Variants in UBE3D observed in about 807,000 individuals in gnomAD.
The protein encoded by UBE3D is ubiquitin protein ligase E3D.
Under a neutral mutation model 49.6 loss-of-function variants are expected in UBE3D, and 48 were observed. That is an observed-to-expected ratio of 0.97 (90% CI 0.77 to 1.23). The LOEUF (loss-of-function observed/expected upper bound fraction) is 1.23, where lower values mean the gene tolerates loss of function less well. Among genes scored for constraint, UBE3D ranks in the 50% most tolerant of loss-of-function variants. The pLI is 0.00. For synonymous variants in UBE3D, 189 were observed against 174.2 expected (o/e 1.08, Z -0.67); for missense variants, 452 against 468.4 (o/e 0.96, Z 0.32).
At chr6:83,002,807 C>T (rs1779725715) in intron 8 of UBE3D, among the ~76,000 whole-genome samples, 1 of 152,240 alleles carries the variant, frequency 6.6e-6, no homozygotes, top group East Asian at 1.9e-4. Flanking sequence ...CCTCACCAAA[C>T]ATCAGACCTG....
At chr6:83,026,447 A>G (rs1364241780) in intron 5 of UBE3D, among the ~76,000 whole-genome samples, 1 of 152,146 alleles carries the variant, frequency 6.6e-6, no homozygotes, top group Non-Finnish European at 1.5e-5. Flanking sequence ...CTCTTAAAAA[A>G]TAAAATAAAA....
At chr6:82,958,792 T>G (rs1452029013) in intron 8 of UBE3D, among the ~76,000 whole-genome samples, 1 of 152,100 alleles carries the variant, frequency 6.6e-6, no homozygotes, top group African/African-American at 2.4e-5. Flanking sequence ...GTCTACAAAT[T>G]TTATTAGTTT....
At chr6:82,982,980 A>G (rs1235708785) in intron 8 of UBE3D, among the ~76,000 whole-genome samples, 1 of 151,802 alleles carries the variant, frequency 6.6e-6, no homozygotes, top group Non-Finnish European at 1.5e-5. Flanking sequence ...GTACTGACCA[A>G]TGAAATTTCT....
chr6:83,021,315 C>T (rs1207026425), intron 7 of UBE3D, among the ~76,000 whole-genome samples: 2 of 152,012 alleles, frequency 1.3e-5, no homozygotes, highest in African/African-American at 4.8e-5. Flanking sequence ...GTGGAGTAGG[C>T]CTGGAGTCTC....
intron 4 of UBE3D, among the ~76,000 whole-genome samples, chr6:83,042,509 C>G (rs772007569): frequency 5.9e-5 from 9 of 152,118 alleles, no homozygotes; most frequent in Non-Finnish European, 1.3e-4. Context: ...CTTCACCTAT[C>G]CTTCAAGGAA....
intron 4 of UBE3D, among the ~76,000 whole-genome samples, chr6:83,039,116 T>C (rs916514445): frequency 1.2e-4 from 18 of 152,246 alleles, no homozygotes; most frequent in South Asian, 4.1e-4. Flanking sequence ...TTAAAATAGC[T>C]AGCATTTGCC....
intron 1 of UBE3D, among the ~76,000 whole-genome samples, chr6:83,060,902 A>G (rs1784130156): frequency 6.6e-6 from 1 of 152,236 alleles, no homozygotes. Flanking sequence ...CCTTACTGAC[A>G]CACAAATGAA....
chr6:82,937,986 TGC>T (rs931237504), intron 9 of UBE3D, among the ~76,000 whole-genome samples: 57 of 149,774 alleles, frequency 3.8e-4, no homozygotes, highest in African/African-American at 1.3e-3. Context: ...CACGGGCGTG[TGC>T]GCGCGCACAC....
chr6:82,996,399 A>C (rs1224232178), intron 8 of UBE3D, among the ~76,000 whole-genome samples: 1 of 152,186 alleles, frequency 6.6e-6, no homozygotes, highest in Non-Finnish European at 1.5e-5. Context: ...AAATAAATAT[A>C]CATGAGTCCT....
chr6:83,065,565 A>G, intron 1 of UBE3D, 77 bp downstream of exon 1: 1 of 1,382,184 alleles, frequency 7.2e-7, no homozygotes, highest in South Asian at 1.2e-5. Context: ...CCTCGTACAG[A>G]GAGAGACTCA....
intron 4 of UBE3D, among the ~76,000 whole-genome samples, chr6:83,041,113 C>T (rs1432012312): frequency 1.3e-5 from 2 of 152,082 alleles, no homozygotes; most frequent in African/African-American, 4.8e-5. Flanking sequence ...AAACTAAGGG[C>T]TTTATTAAAA....
At chr6:82,935,209 T>A (rs1182683789) in intron 9 of UBE3D, among the ~76,000 whole-genome samples, 1 of 151,076 alleles carries the variant, frequency 6.6e-6, no homozygotes, top group Non-Finnish European at 1.5e-5. Context: ...GCTCATCACA[T>A]GGAGAAAGCA....
At chr6:83,065,580 C>T in intron 1 of UBE3D, 62 bp downstream of exon 1, 19 of 1,514,892 alleles carry the variant, frequency 1.3e-5, no homozygotes, top group Non-Finnish European at 1.5e-5. Context: ...GACTCACCAG[C>T]CCCCGACCCC....
rs7757253 is a variant in UBE3D at position 82,988,987 on chromosome 6, C to A, written c.1010+29986G>T. 8.4e-3 allele frequency among the ~76,000 whole-genome samples: 1,282 copies of A among 152,126 alleles called. 14 individuals carry two copies. The highest frequency in any genetic ancestry group is 0.029 in the African/African-American group (1,197 of 41,500). On this transcript the variant is annotated intron_variant, in intron 8 of 9. Transcript: ENST00000369747. ...TGACAAGTGAGTTCACAACACTACA[C>A]AAAAATAGAATTAGAAAGGAAATAG... is the stretch of plus-strand genomic sequence containing the variant.
chr6:82,921,398 C>G (rs772530238), intron 9 of UBE3D, among the ~76,000 whole-genome samples: 3 of 152,190 alleles, frequency 2.0e-5, no homozygotes, highest in Non-Finnish European at 4.4e-5. Context: ...CCTGGAAGGT[C>G]TAGACTTGTG....
In UBE3D at chr6:83,044,534, C is replaced by G; in HGVS notation, c.491G>C (p.Gly164Ala). 1.2e-6 allele frequency: 2 copies of G among 1,614,108 alleles called. No homozygotes were observed. Among genetic ancestry groups the G allele is most frequent in the Non-Finnish European group, 1.7e-6 (2 of 1,180,000 alleles). The change falls in exon 4 of 10, where the codon GGA becomes GCA. Residue 164 changes from glycine (G) to alanine (A), a missense_variant. Coordinates refer to ENST00000369747, the MANE Select transcript of UBE3D (RefSeq NM_198920.3). ...TAAATTCACCAAGAAGAAAGAGTCTCCAATAAAACAGTCATTCTCTTGCGG... is the reference window on the plus strand; with the variant it reads ...TAAATTCACCAAGAAGAAAGAGTCTGCAATAAAACAGTCATTCTCTTGCGG... The part of the protein sequence containing the change: ...LHPQENDCFI[G>A]DSFFLVNLRT...
At chr6:82,981,485 A>G (rs1340007019) in intron 8 of UBE3D, among the ~76,000 whole-genome samples, 1 of 152,090 alleles carries the variant, frequency 6.6e-6, no homozygotes, top group African/African-American at 2.4e-5. Flanking sequence ...TGGTATAACA[A>G]GACCAATGCC....
chr6:82,992,187 C>T (rs1778932773), intron 8 of UBE3D, among the ~76,000 whole-genome samples: 1 of 149,352 alleles, frequency 6.7e-6, no homozygotes, highest in Admixed American at 6.7e-5. Context: ...TTAGTCTGTA[C>T]CTTTGTACCT....
chr6:83,039,631 T>C (rs1259590042), intron 4 of UBE3D, among the ~76,000 whole-genome samples: 3 of 152,112 alleles, frequency 2.0e-5, no homozygotes, highest in African/African-American at 7.2e-5. Context: ...GTGTTTTGTT[T>C]TTTTTTGTTT....
Sources: allele counts gnomAD v4.1 joint callset (sites outside exome capture counted in the v4.1 genomes callset), GRCh38; gene constraint gnomAD v4.1.1; transcripts MANE v1.5; gene names NCBI Gene and HGNC (gene_info 2026-07-23, HGNC 2026-07-21).